The following CCDC181 variants were observed in gnomAD, a reference collection of about 807,000 sequenced individuals.
CCDC181 encodes the protein coiled-coil domain-containing protein 181.
In CCDC181, 35 loss-of-function variants were observed where a neutral mutation model predicts 58.7. The observed-to-expected ratio is 0.60, with a 90% CI of 0.46 to 0.79. CCDC181 has a LOEUF of 0.79. CCDC181 is among the 30% of genes least tolerant of loss of function. The pLI is 0.00. For missense variants in CCDC181, 517 were observed against 583.9 expected, an observed-to-expected ratio of 0.89 and a Z score of 1.18; for synonymous variants, 183 against 197.5, an observed-to-expected ratio of 0.93 and a Z score of 0.62.
At chr1:169,410,291 A>G (rs1655894850) in intron 4 of CCDC181, among the ~76,000 whole-genome samples, 1 of 152,130 alleles carries the variant, frequency 6.6e-6, no homozygotes, top group Non-Finnish European at 1.5e-5. Context: ...AAAAAAGACA[A>G]AGAAGGGCAT....
At position 169,400,038 on chromosome 1, in the gene CCDC181, G is replaced by C. The variant is rs866054029; in HGVS notation, c.1216-2647C>G. Among the ~76,000 whole-genome samples, 4 of 152,282 alleles carry C rather than the reference G, an allele frequency of 2.6e-5. No homozygotes were observed. The South Asian group carries it at 8.3e-4, about 32-fold the overall frequency. On this transcript the variant is annotated intron_variant, in intron 4 of 5. Coordinates refer to ENST00000367806, the MANE Select transcript of CCDC181 (RefSeq NM_001300969.2). Reference sequence around the variant, plus strand: ...TTCCCTTGGGTCTTGGCAAGGCCTGGGCTGCACATGTGTAGAGTGAGGCTC... The same window carrying C: ...TTCCCTTGGGTCTTGGCAAGGCCTGCGCTGCACATGTGTAGAGTGAGGCTC...
At position 169,433,218 on chromosome 1, in the gene CCDC181, ACAATT is replaced by A. The variant is rs71121779; in HGVS notation, c.-23-8273_-23-8269del. On this transcript the variant is annotated intron_variant, in intron 2 of 6. Coordinates refer to the CCDC181 transcript ENST00000545005. ...AACAGTCTAAAAGGAAATTAAGAAA[ACAATT>A]CAATTTATAATATAAAAAAGAATAA... Among the ~76,000 whole-genome samples the A allele has an allele frequency of 0.059, 8,993 of 152,040 alleles. 1,374 individuals carry two copies. In the East Asian group the frequency reaches 0.66, roughly 11 times the overall value.
intron 2 of CCDC181, among the ~76,000 whole-genome samples, chr1:169,446,956 T>G (rs2101753100): frequency 6.6e-6 from 1 of 152,114 alleles, no homozygotes; most frequent in African/African-American, 2.4e-5. Flanking sequence ...TATTTTCTAA[T>G]TTATCTTGAG....
rs150303000 is a variant in CCDC181 at position 169,439,928 on chromosome 1, T to A, written c.-23-14978A>T. Among the ~76,000 whole-genome samples the A allele has an allele frequency of 9.5e-3, 1,446 of 152,202 alleles. 22 individuals are homozygous for A. The highest frequency in any genetic ancestry group is 0.033 in the African/African-American group (1,372 of 41,522). ...ACGTTCAGATGCTCCTTCTCTTCTC[T>A]TCTCTTCTTCTCTGCTGCTCCACTC... On this transcript the variant is annotated intron_variant, in intron 2 of 6. Coordinates refer to the CCDC181 transcript ENST00000545005.
chr1:169,429,535 T>G (rs1261861266), upstream of CCDC181, among the ~76,000 whole-genome samples: 5 of 152,226 alleles, frequency 3.3e-5, no homozygotes, highest in East Asian at 9.6e-4. Context: ...GGTTTTGATT[T>G]GCATTTCCCT....
rs940839047 is a variant in CCDC181 at position 169,422,004 on chromosome 1, G to A, written c.427C>T (p.Pro143Ser). 1 of 1,613,852 alleles carries A rather than the reference G, an allele frequency of 6.2e-7. No individual in the cohort carries two copies. Among genetic ancestry groups the A allele is most frequent in the Non-Finnish European group, 8.5e-7 (1 of 1,179,976 alleles). ...TTTCGCTCCCTTTTATCATTCACCG[G>A]TTCTTGATTCTGTAGAAGCTTGTTA... ...QANKLLQNQE[P>S]VNDKRERKLK... Residue 143 changes from proline to serine, a missense_variant, in exon 3 of 6, where the codon CCG becomes TCG. Transcript: ENST00000367806.
rs116678743 is a variant in CCDC181, at chr1:169,410,056, G to A, written c.1215+8957C>T. ...AACAATATTGACCTTTACTGTAAAC[G>A]GGATAAATGCCCCAATTAAGAGACA... On this transcript the variant is annotated intron_variant, in intron 4 of 5. Coordinates refer to ENST00000367806, the MANE Select transcript of CCDC181 (RefSeq NM_001300969.2). Among the ~76,000 whole-genome samples the A allele has an allele frequency of 7.9e-3, 1,195 of 152,100 alleles. 16 individuals carry two copies. Among genetic ancestry groups the A allele is most frequent in the African/African-American group, 0.028 (1,142 of 41,478 alleles).
intron 2 of CCDC181, among the ~76,000 whole-genome samples, chr1:169,436,828 T>C (rs780870046): frequency 1.2e-4 from 19 of 152,172 alleles, no homozygotes; most frequent in Non-Finnish European, 2.4e-4. Flanking sequence ...AATTCATAAC[T>C]TCTACATGAA....
intron 4 of CCDC181, among the ~76,000 whole-genome samples, chr1:169,409,923 T>G (rs1037327859): frequency 3.9e-5 from 6 of 152,142 alleles, no homozygotes; most frequent in African/African-American, 1.4e-4. Flanking sequence ...TACCAACCAC[T>G]GCCGAAACAT....
intron 2 of CCDC181, among the ~76,000 whole-genome samples, chr1:169,451,754 G>A (rs367825046): frequency 2.0e-5 from 3 of 151,716 alleles, no homozygotes; most frequent in African/African-American, 7.3e-5. Context: ...AAGATGACAT[G>A]AAAATTGTAG....
At chr1:169,395,881 T>TTG (rs1655000738) in intron 5 of CCDC181, 2 of 151,528 alleles carry the variant, frequency 1.3e-5, no homozygotes, top group Non-Finnish European at 2.9e-5. Flanking sequence ...TTTTGTTGTT[T>TTG]TTTTTTTTTC....
upstream of CCDC181, among the ~76,000 whole-genome samples, chr1:169,429,870 GTCT>G (rs386636631): frequency 7.9e-4 from 120 of 152,300 alleles, 1 homozygote; most frequent in African/African-American, 2.7e-3. Context: ...TGGTCATGAA[GTCT>G]TTGCCAACGC....
intron 2 of CCDC181, among the ~76,000 whole-genome samples, chr1:169,438,601 C>A (rs1056824340): frequency 6.6e-6 from 1 of 152,210 alleles, no homozygotes; most frequent in African/African-American, 2.4e-5. Context: ...CCTTGTTCAG[C>A]ACCCAATATC....
chr1:169,397,486 C>T, intron 4 of CCDC181, 95 bp from the exon 5 acceptor site: 1 of 1,138,572 alleles, frequency 8.8e-7, no homozygotes, highest in South Asian at 1.9e-5. Context: ...ATTTCCTACT[C>T]TTCAATTTTT....
chr1:169,400,220 A>G (rs1124843), intron 4 of CCDC181, among the ~76,000 whole-genome samples: 101,613 of 151,978 alleles, frequency 0.67, 34,198 homozygotes, highest in East Asian at 0.93. Flanking sequence ...TGCTTTGGAA[A>G]TAAGGGTCAT....
chr1:169,433,893 C>T (rs2101741049), intron 2 of CCDC181, among the ~76,000 whole-genome samples: 1 of 152,130 alleles, frequency 6.6e-6, no homozygotes, highest in South Asian at 2.1e-4. Context: ...ACAGCAAAAG[C>T]ACATGCAAAA....
At chr1:169,412,567 G>C (rs1656027919) in intron 4 of CCDC181, among the ~76,000 whole-genome samples, 1 of 152,136 alleles carries the variant, frequency 6.6e-6, no homozygotes, top group African/African-American at 2.4e-5. Flanking sequence ...GCATAGCCAA[G>C]ATAATCTAAA....
At chr1:169,456,934 C>T (rs979851178) in intron 2 of CCDC181, among the ~76,000 whole-genome samples, 1 of 152,154 alleles carries the variant, frequency 6.6e-6, no homozygotes, top group Non-Finnish European at 1.5e-5. Context: ...TTCATTTCTC[C>T]TGGATAATCC....
chr1:169,441,491 T>A (rs565522217), intron 2 of CCDC181, among the ~76,000 whole-genome samples: 1 of 152,102 alleles, frequency 6.6e-6, no homozygotes, highest in South Asian at 2.1e-4. Context: ...TGCAATTTTA[T>A]AGAATACAGC....
Sources: gnomAD v4.1 joint callset for allele counts (sites outside exome capture counted in the v4.1 genomes callset) on GRCh38, gnomAD v4.1.1 for gene constraint, MANE v1.5 for transcripts, NCBI Gene and HGNC (gene_info 2026-07-23, HGNC 2026-07-21) for gene names.